FSTL1: variants seen among roughly 807,000 people sequenced by gnomAD.
The protein encoded by FSTL1 is follistatin like 1, also known as follistatin-related protein 1.
FSTL1 carries 24 observed loss-of-function variants against 45.9 expected under a neutral mutation model. That is an observed-to-expected ratio of 0.52 (90% CI 0.38 to 0.74). The LOEUF is 0.74. Among genes scored for constraint, FSTL1 ranks in the 30% least tolerant of loss-of-function variants. FSTL1 has a pLI of 0.00. For synonymous variants in FSTL1, 120 were observed against 137.6 expected (o/e 0.87, Z 0.89); for missense variants, 340 against 381.8 (o/e 0.89, Z 0.91).
intron 7 of FSTL1, among the ~76,000 whole-genome samples, chr3:120,403,592 T>G (rs80249294): frequency 6.6e-6 from 1 of 152,078 alleles, no homozygotes; most frequent in South Asian, 2.1e-4. Flanking sequence ...TGTCCAAATG[T>G]TCCCCCCCTT....
intron 2 of FSTL1, among the ~76,000 whole-genome samples, chr3:120,433,759 G>C (rs1180914584): frequency 1.3e-5 from 2 of 152,184 alleles, no homozygotes; most frequent in African/African-American, 4.8e-5. Context: ...CTTGAGCTGG[G>C]ACCTGAAGGA....
At chr3:120,412,827 C>CGCGCGCGT (rs1559737000) in intron 3 of FSTL1, among the ~76,000 whole-genome samples, 1 of 64,342 alleles carries the variant, frequency 1.6e-5, no homozygotes, top group East Asian at 3.4e-4. Flanking sequence ...TGTGCGCGCG[C>CGCGCGCGT]GCGCGCGCGC....
chr3:120,399,925 CTCT>C lies in FSTL1; in HGVS notation c.837_839del (p.Glu282del), dbSNP rs772403305. ...CCTGGACATATCTGGTCATCTCCTC[CTCT>C]GTCTGGGTCTGGGCCCCCTTCTGAT... On this transcript the variant is annotated inframe_deletion, in exon 10 of 11. Coordinates refer to ENST00000295633, the MANE Select transcript of FSTL1 (RefSeq NM_007085.5). 1 of 1,609,846 alleles carries C rather than the reference CTCT, an allele frequency of 6.2e-7. No individual in the cohort carries two copies. Among genetic ancestry groups the C allele is most frequent in the Non-Finnish European group, 8.5e-7 (1 of 1,178,000 alleles).
In FSTL1 at chr3:120,429,367, C is replaced by T. The variant is rs1424506222; in HGVS notation, c.64-13340G>A. 2.0e-5 allele frequency among the ~76,000 whole-genome samples: 3 copies of T among 152,198 alleles called. No homozygotes were observed. In the South Asian group the frequency reaches 6.2e-4, roughly 32 times the overall value. On this transcript the variant is annotated intron_variant, in intron 2 of 10. Coordinates refer to ENST00000295633, the MANE Select transcript of FSTL1 (RefSeq NM_007085.5). ...CACTCTGGAGCACCCATGAGTGTGG[C>T]CTTCAGCCATATATTTTATCATCCA...
In FSTL1 at chr3:120,393,080, T is replaced by G. The variant is rs1253185784; in HGVS notation, c.*3872A>C. On this transcript the variant is annotated 3_prime_UTR_variant, in exon 11 of 11. Transcript: ENST00000295633. ...TGGGAAGTTAGCCAAAATTTAAAAGTGGTTGTGGACAAGGTACCCTTCAAA... is the reference window on the plus strand; with the variant it reads ...TGGGAAGTTAGCCAAAATTTAAAAGGGGTTGTGGACAAGGTACCCTTCAAA... 6.6e-6 allele frequency: 1 copy of G among 152,196 alleles called. No individual in the cohort carries two copies. Among genetic ancestry groups the G allele is most frequent in the Non-Finnish European group, 1.5e-5 (1 of 68,024 alleles). 9.4% of individuals were successfully genotyped at this position (152,196 alleles called of 1,614,324 possible).
At chr3:120,449,721 G>A (rs950311457) in intron 2 of FSTL1, among the ~76,000 whole-genome samples, 9 of 152,158 alleles carry the variant, frequency 5.9e-5, no homozygotes, top group Non-Finnish European at 1.3e-4. Flanking sequence ...TGCTAAGGGT[G>A]TGGTTAAACT....
At chr3:120,403,123 A>G (rs1936860460) in intron 8 of FSTL1, 119 bp downstream of exon 8, 1 of 737,140 alleles carries the variant, frequency 1.4e-6, no homozygotes, top group South Asian at 1.6e-5. Context: ...GGCCCAGTTT[A>G]GAATCATGGA....
chr3:120,415,441 G>A (rs1340531627), intron 3 of FSTL1, among the ~76,000 whole-genome samples: 1 of 152,188 alleles, frequency 6.6e-6, no homozygotes, highest in Non-Finnish European at 1.5e-5. Context: ...ATAAATTAAT[G>A]AGTAAAGAAT....
chr3:120,422,787 C>T (rs756709019), intron 2 of FSTL1, among the ~76,000 whole-genome samples: 2 of 152,086 alleles, frequency 1.3e-5, no homozygotes, highest in Non-Finnish European at 2.9e-5. Context: ...TTCCACCTCC[C>T]GGGTTCAAGC....
intron 2 of FSTL1, among the ~76,000 whole-genome samples, chr3:120,443,322 A>C (rs1937664933): frequency 6.7e-6 from 1 of 149,608 alleles, no homozygotes; most frequent in East Asian, 1.9e-4. Context: ...CCTAATGGCC[A>C]AGCAGCGATG....
intron 3 of FSTL1, among the ~76,000 whole-genome samples, chr3:120,412,828 GCGCGCGCGCGCACACACACA>G (rs1178975197): frequency 1.5e-5 from 1 of 67,446 alleles, no homozygotes; most frequent in African/African-American, 4.3e-5. Flanking sequence ...GTGCGCGCGC[GCGCGCGCGCGCACACACACA>G]CACACACACA....
At chr3:120,434,027 T>C (rs1576224735) in intron 2 of FSTL1, among the ~76,000 whole-genome samples, 1 of 152,274 alleles carries the variant, frequency 6.6e-6, no homozygotes, top group South Asian at 2.1e-4. Flanking sequence ...TGATCAGATA[T>C]GTGTTTTACA....
At position 120,436,663 on chromosome 3, in the gene FSTL1, G is replaced by A. The variant is rs145345883; in HGVS notation, c.63+14021C>T. On this transcript the variant is annotated intron_variant, in intron 2 of 10. Coordinates refer to ENST00000295633, the MANE Select transcript of FSTL1 (RefSeq NM_007085.5). ...AGGAAAGAAAATAGAAAATGTCAAG[G>A]AGGGAAAACTAGAGGAAGGGGAACA... is the stretch of plus-strand genomic sequence containing the variant. Among the ~76,000 whole-genome samples the A allele has an allele frequency of 5.1e-3, 783 of 152,344 alleles. 4 individuals carry two copies. Among genetic ancestry groups the A allele is most frequent in the African/African-American group, 0.018 (730 of 41,572 alleles).
chr3:120,398,182 T>C (rs1402887278), intron 10 of FSTL1, among the ~76,000 whole-genome samples: 4 of 152,200 alleles, frequency 2.6e-5, no homozygotes, highest in Non-Finnish European at 5.9e-5. Context: ...AGTGAGATGA[T>C]TGACAATCTT....
chr3:120,425,218 G>A (rs373894804), intron 2 of FSTL1, among the ~76,000 whole-genome samples: 53 of 152,228 alleles, frequency 3.5e-4, no homozygotes, highest in South Asian at 6.2e-4. Flanking sequence ...ACAATGGTAT[G>A]AGAACTCTGA....
At chr3:120,412,931 G>C (rs923573519) in intron 3 of FSTL1, among the ~76,000 whole-genome samples, 6 of 151,858 alleles carry the variant, frequency 4.0e-5, no homozygotes, top group Non-Finnish European at 8.8e-5. Flanking sequence ...ACTATTGGGG[G>C]AACACTTTGT....
At position 120,395,219 on chromosome 3, in the gene FSTL1, C is replaced by A. The variant is rs748635854; in HGVS notation, c.*1733G>T. On this transcript the variant is annotated 3_prime_UTR_variant, in exon 11 of 11. Coordinates refer to ENST00000295633, the MANE Select transcript of FSTL1 (RefSeq NM_007085.5). Reference sequence around the variant, plus strand: ...CTCACAGTTGCCTGTGCATTACAACCTAAATAATTTCCTTCTGATGGTCTT... The same window carrying A: ...CTCACAGTTGCCTGTGCATTACAACATAAATAATTTCCTTCTGATGGTCTT... 1 of 160,756 alleles carries A rather than the reference C, an allele frequency of 6.2e-6. No homozygotes were observed. Among genetic ancestry groups the A allele is most frequent in the Non-Finnish European group, 1.3e-5 (1 of 74,336 alleles). 10.0% of individuals were successfully genotyped at this position (160,756 alleles called of 1,614,324 possible).
chr3:120,437,962 A>G (rs2107669728), intron 2 of FSTL1, among the ~76,000 whole-genome samples: 1 of 152,292 alleles, frequency 6.6e-6, no homozygotes, highest in East Asian at 1.9e-4. Flanking sequence ...TGATCTGACC[A>G]GAGATCAGGG....
chr3:120,416,054 C>G (rs2272516), intron 2 of FSTL1, 27 bp from the exon 3 acceptor site: 26 of 1,481,074 alleles, frequency 1.8e-5, no homozygotes, highest in Non-Finnish European at 2.0e-5. Context: ...TAAAGGAAAC[C>G]GTGTGACTGA....
Sources: gnomAD v4.1 joint callset for allele counts (sites outside exome capture counted in the v4.1 genomes callset) on GRCh38, gnomAD v4.1.1 for gene constraint, MANE v1.5 for transcripts, NCBI Gene and HGNC (gene_info 2026-07-23, HGNC 2026-07-21) for gene names.